The following MAP3K14 variants were observed in gnomAD, a reference collection of about 807,000 sequenced individuals.
MAP3K14 encodes mitogen-activated protein kinase kinase kinase 14.
In MAP3K14, 16 loss-of-function variants were observed where a neutral mutation model predicts 99.2. The ratio of observed to expected loss-of-function variants is 0.16; its 90% confidence interval spans 0.11 to 0.24. The LOEUF is 0.24. MAP3K14 is among the 10% of genes least tolerant of loss of function. The pLI is 1.00. For missense variants in MAP3K14, 784 were observed against 1,208.7 expected (o/e 0.65, Z 5.21); for synonymous variants, 462 against 492.4 (o/e 0.94, Z 0.82).
chr17:45,301,831 CTCT>C (rs1212131813), intron 1 of MAP3K14, among the ~76,000 whole-genome samples: 10 of 143,512 alleles, frequency 7.0e-5, no homozygotes, highest in Non-Finnish European at 1.4e-4. Context: ...TTTCTCAGTT[CTCT>C]TTTTTTTTTT....
chr17:45,302,188 G>A (rs2143855038), intron 1 of MAP3K14, among the ~76,000 whole-genome samples: 1 of 152,046 alleles, frequency 6.6e-6, no homozygotes, highest in East Asian at 1.9e-4. Context: ...AAATACAGAA[G>A]GGGTGCCATT....
At position 45,316,678 on chromosome 17, in the gene MAP3K14, G is replaced by A. The variant is rs552148895; in HGVS notation, c.-21+282C>T. 5.2e-3 allele frequency among the ~76,000 whole-genome samples: 788 copies of A among 152,160 alleles called. 2 individuals carry two copies. The highest frequency in any genetic ancestry group is 0.01 in the Middle Eastern group (3 of 292). On this transcript the variant is annotated intron_variant, in intron 1 of 15. Coordinates refer to ENST00000344686, the MANE Select transcript of MAP3K14 (RefSeq NM_003954.5). ...GCGGGGCACTAGTGAAGGGGAAGCAGGCGGCCCCTGCGCGCGCTCGGAGCC... is the reference window on the plus strand; with the variant it reads ...GCGGGGCACTAGTGAAGGGGAAGCAAGCGGCCCCTGCGCGCGCTCGGAGCC...
At chr17:45,289,210 C>A in intron 3 of MAP3K14, 26 bp downstream of exon 3, 1 of 1,610,254 alleles carries the variant, frequency 6.2e-7, no homozygotes. Context: ...CCCACCTTCC[C>A]ACTCAGGCTT....
intron 3 of MAP3K14, 84 bp from the exon 4 acceptor site, chr17:45,287,448 G>A: frequency 1.7e-6 from 2 of 1,159,000 alleles, no homozygotes; most frequent in South Asian, 2.8e-5. Context: ...CTGGACTCCT[G>A]CAGATCCAAG....
intron 6 of MAP3K14, among the ~76,000 whole-genome samples, chr17:45,282,362 C>G (rs2044229955): frequency 6.6e-6 from 1 of 151,904 alleles, no homozygotes; most frequent in African/African-American, 2.4e-5. Context: ...TTGAGTCCAG[C>G]CTGGGCAACA....
At chr17:45,307,534 T>A (rs1321943078) in intron 1 of MAP3K14, among the ~76,000 whole-genome samples, 1 of 152,162 alleles carries the variant, frequency 6.6e-6, no homozygotes, top group East Asian at 1.9e-4. Flanking sequence ...GCATTTTGGT[T>A]GTGAAAAACA....
chr17:45,302,386 C>T (rs1379033952), intron 1 of MAP3K14, among the ~76,000 whole-genome samples: 1 of 152,154 alleles, frequency 6.6e-6, no homozygotes, highest in Non-Finnish European at 1.5e-5. Context: ...TGGCTTACTG[C>T]AACTTCCGCC....
intron 1 of MAP3K14, among the ~76,000 whole-genome samples, chr17:45,305,395 C>CA (rs2044423207): frequency 1.5e-5 from 2 of 129,564 alleles, no homozygotes; most frequent in African/African-American, 6.3e-5. Flanking sequence ...AGCGCCCGGC[C>CA]GTTTTTTTTT....
chr17:45,301,833 CTTTTTTTTT>C lies in MAP3K14; in HGVS notation c.-20-11077_-20-11069del, dbSNP rs34664244. Among the ~76,000 whole-genome samples the C allele has an allele frequency of 8.8e-3, 1,188 of 134,300 alleles. 14 individuals carry two copies. Among genetic ancestry groups the C allele is most frequent in the African/African-American group, 0.03 (1,092 of 36,840 alleles). 88.1% of individuals were successfully genotyped at this position (134,300 alleles called of 152,430 possible). On this transcript the variant is annotated intron_variant, in intron 1 of 15. Coordinates refer to ENST00000344686, the MANE Select transcript of MAP3K14 (RefSeq NM_003954.5). ...AGCACATATTAGTTTTCTCAGTTCT[CTTTTTTTTT>C]TTTTTTTTGAGATGCAGTCTCACTC...
chr17:45,267,056 C>A lies in MAP3K14; in HGVS notation c.2433+36G>T. 1.4e-6 allele frequency: 2 copies of A among 1,479,114 alleles called. No homozygotes were observed. The highest frequency in any genetic ancestry group is 1.9e-6 in the Non-Finnish European group (2 of 1,080,544). The allele number at this position is 1,479,114 out of a possible 1,614,324, so 91.6% of individuals were successfully genotyped here. On this transcript the variant is annotated intron_variant, in intron 13 of 15. Transcript: ENST00000344686. This position sits in a 1 kb window ranked among gnomAD's most constrained non-coding sequence, Gnocchi z 5.1. ...GTGCCAGGGCCGGGAAAACCACACC[C>A]CTGGAGCCATGGCTCCGGGGCCACA...
At chr17:45,289,438 T>C in intron 2 of MAP3K14, 133 bp from the exon 3 acceptor site, 1 of 681,938 alleles carries the variant, frequency 1.5e-6, no homozygotes, top group Non-Finnish European at 2.6e-6. Flanking sequence ...TGTCTGGCAG[T>C]CACCTCCCCA....
At chr17:45,266,512 T>C (rs765120349) in intron 14 of MAP3K14, 25 bp downstream of exon 14, 1 of 1,588,740 alleles carries the variant, frequency 6.3e-7, no homozygotes, top group South Asian at 1.1e-5. Context: ...CGGGGACTGC[T>C]GAGCAGGTGG....
chr17:45,276,911 C>A (rs1443831655), intron 6 of MAP3K14, among the ~76,000 whole-genome samples: 1 of 145,980 alleles, frequency 6.9e-6, no homozygotes, highest in Non-Finnish European at 1.5e-5. Context: ...CTCACTGCAA[C>A]CTCCGCCTCC....
chr17:45,292,538 G>A (rs3760357), intron 1 of MAP3K14, among the ~76,000 whole-genome samples: 7 of 152,122 alleles, frequency 4.6e-5, no homozygotes, highest in African/African-American at 1.7e-4. Flanking sequence ...TCTCCAGCCT[G>A]AGTGACAGAA....
chr17:45,282,544 G>A (rs187235670), intron 6 of MAP3K14, among the ~76,000 whole-genome samples: 40 of 115,614 alleles, frequency 3.5e-4, no homozygotes, highest in Admixed American at 1.8e-3. Context: ...AACAGAGCGA[G>A]ATCCTGTCTC....
At chr17:45,274,410 A>AG (rs1491403420) in intron 7 of MAP3K14, 54 bp downstream of exon 7, 1 of 1,606,884 alleles carries the variant, frequency 6.2e-7, no homozygotes, top group African/African-American at 1.3e-5. Context: ...GGCAAGACTC[A>AG]GGGGGGAACT....
chr17:45,289,634 C>T (rs942434193), intron 2 of MAP3K14, among the ~76,000 whole-genome samples: 2 of 152,208 alleles, frequency 1.3e-5, no homozygotes, highest in Non-Finnish European at 2.9e-5. Flanking sequence ...CAGTGCCTGG[C>T]TCATAGGAAA....
At chr17:45,290,995 T>C in intron 1 of MAP3K14, 1 of 483,144 alleles carries the variant, frequency 2.1e-6, no homozygotes, top group Non-Finnish European at 3.8e-6. Flanking sequence ...TACCACAACA[T>C]AAACAGCCTC....
At chr17:45,284,522 C>T (rs2074291) in intron 6 of MAP3K14, among the ~76,000 whole-genome samples, 35 of 152,114 alleles carry the variant, frequency 2.3e-4, no homozygotes, top group African/African-American at 7.0e-4. Flanking sequence ...CCATCTTCCA[C>T]GTTGGGACTT....
Sources: gnomAD v4.1 joint callset for allele counts (sites outside exome capture counted in the v4.1 genomes callset) on GRCh38, gnomAD v4.1.1 for gene constraint, Gnocchi (gnomAD v3.1) non-coding constraint, MANE v1.5 for transcripts, NCBI Gene and HGNC (gene_info 2026-07-23, HGNC 2026-07-21) for gene names.